DOCK7: variants seen among roughly 807,000 people sequenced by gnomAD.
The protein encoded by DOCK7 is dedicator of cytokinesis protein 7.
DOCK7 carries 138 observed loss-of-function variants against 271.0 expected under a neutral mutation model. The observed-to-expected ratio is 0.51, with a 90% CI of 0.44 to 0.59. DOCK7 has a LOEUF of 0.59. Ranked by LOEUF, DOCK7 falls within the 20% of genes least tolerant of loss-of-function variation. The probability of loss-of-function intolerance (pLI) is 0.00; values close to 1 mark genes in which losing one functional copy is unlikely to be tolerated. For missense variants in DOCK7, 2,066 were observed against 2,592.4 expected (o/e 0.80, Z 4.41); for synonymous variants, 823 against 876.1 (o/e 0.94, Z 1.07).
intron 14 of DOCK7, among the ~76,000 whole-genome samples, chr1:62,589,078 G>C (rs1436312294): frequency 1.3e-5 from 2 of 152,168 alleles, no homozygotes; most frequent in Non-Finnish European, 2.9e-5. Flanking sequence ...TTGCCAAACG[G>C]TAATATCCTG....
At chr1:62,633,770 A>G (rs903633059) in intron 9 of DOCK7, 192 bp from the exon 10 acceptor site, 6 of 518,712 alleles carry the variant, frequency 1.2e-5, no homozygotes, top group Non-Finnish European at 1.7e-5. Flanking sequence ...CAAAGTAGTA[A>G]TGCAAAGAAA....
At chr1:62,522,635 A>G (rs1251992997) in intron 31 of DOCK7, among the ~76,000 whole-genome samples, 1 of 152,116 alleles carries the variant, frequency 6.6e-6, no homozygotes, top group African/African-American at 2.4e-5. Flanking sequence ...AGATACAAAC[A>G]TCACCACTTC....
intron 7 of DOCK7, among the ~76,000 whole-genome samples, chr1:62,645,024 G>T (rs1165627635): frequency 6.6e-6 from 1 of 152,066 alleles, no homozygotes; most frequent in Non-Finnish European, 1.5e-5. Flanking sequence ...CACTAGAATG[G>T]TTATGATAAA....
At position 62,476,097 on chromosome 1, in the gene DOCK7, A is replaced by T; in HGVS notation, c.5694T>A (p.Pro1898=). 1 of 1,613,388 alleles carries T rather than the reference A, an allele frequency of 6.2e-7. No individual in the cohort carries two copies. The highest frequency in any genetic ancestry group is 8.5e-7 in the Non-Finnish European group (1 of 1,179,606). The part of the protein sequence containing the change: ...DVVEVIKDSN[P]VDKCKLDPNK... ...TAGGATCTAATTTACACTTGTCTAC[A>T]GGATTAGAGTCTTTGATTACTTCAA... The change falls in exon 45 of 50, where the codon CCT becomes CCA. Residue 1898 remains proline, a synonymous_variant. Coordinates refer to ENST00000635253, the MANE Select transcript of DOCK7 (RefSeq NM_001367561.1).
In DOCK7 at chr1:62,535,481, T is replaced by C. The variant is rs1212395647; in HGVS notation, c.3611+12A>G. On this transcript the variant is annotated intron_variant, in intron 29 of 49. Transcript: ENST00000635253. ...AACTCATATTCTACAAGGTAAAAAC[T>C]AGTGTACTCACCCTTCAGCATCAGG... 30 of 1,611,142 alleles carry C rather than the reference T, an allele frequency of 1.9e-5. No homozygotes were observed. Among genetic ancestry groups the C allele is most frequent in the Non-Finnish European group, 2.5e-5 (30 of 1,178,762 alleles).
intron 30 of DOCK7, among the ~76,000 whole-genome samples, chr1:62,528,824 C>A (rs1645089784): frequency 6.6e-6 from 1 of 152,144 alleles, no homozygotes; most frequent in Non-Finnish European, 1.5e-5. Flanking sequence ...CAATAAAACT[C>A]TGTAGGTTCT....
Position 62,455,124 on chromosome 1 carries a change from A to G in DOCK7, c.*290T>C. 1 of 533,200 alleles carries G rather than the reference A, an allele frequency of 1.9e-6. No individual in the cohort carries two copies. Among genetic ancestry groups the G allele is most frequent in the Non-Finnish European group, 3.3e-6 (1 of 304,368 alleles). 33.0% of individuals were successfully genotyped at this position (533,200 alleles called of 1,614,324 possible). On this transcript the variant is annotated 3_prime_UTR_variant, in exon 50 of 50. Transcript: ENST00000635253. ...ATATAAATTAAAAAATACGAACTTA[A>G]AGTGAATAAATTTTTAACCTTAGCT... is the stretch of plus-strand genomic sequence containing the variant.
Position 62,458,156 on chromosome 1 carries a change from GGTGTGTGT to G in DOCK7, c.6213-459_6213-452del, listed in dbSNP as rs10609544. The stretch of plus-strand genomic sequence containing the variant: ...ACAGAGTGGGACTGTCTCAAACGTG[GGTGTGTGT>G]GTGTGTGTGTGTGTGTGTGTACGCG... On this transcript the variant is annotated intron_variant, in intron 48 of 49. Transcript: ENST00000635253. The G allele has an allele frequency of 5.2e-4, 80 of 153,128 alleles. 1 individual carries two copies. The highest frequency in any genetic ancestry group is 1.5e-3 in the Admixed American group (24 of 15,524). 9.5% of individuals were successfully genotyped at this position (153,128 alleles called of 1,614,324 possible).
chr1:62,545,029 C>A lies in DOCK7; in HGVS notation c.2777G>T (p.Arg926Leu). 1 of 1,548,820 alleles carries A rather than the reference C, an allele frequency of 6.5e-7. No individual in the cohort carries two copies. Among genetic ancestry groups the A allele is most frequent in the Non-Finnish European group, 8.7e-7 (1 of 1,145,936 alleles). ...ACCAGTGTTAACCCAGGAATTGGAGCGATCTAAACCCTAAGCATATAATAG... is the reference window on the plus strand; with the variant it reads ...ACCAGTGTTAACCCAGGAATTGGAGAGATCTAAACCCTAAGCATATAATAG... ...RSIIGSKGLD[R>L]SNSWVNTGGP... The change falls in exon 23 of 50, where the codon CGC becomes CTC. Residue 926 changes from arginine (R) to leucine (L), a missense_variant. Arg to Leu is a moderately radical substitution (Grantham distance 102, BLOSUM62 -2). Coordinates refer to ENST00000635253, the MANE Select transcript of DOCK7 (RefSeq NM_001367561.1).
intron 12 of DOCK7, 89 bp downstream of exon 12, chr1:62,625,170 T>A: frequency 7.9e-7 from 1 of 1,272,982 alleles, no homozygotes; most frequent in African/African-American, 1.5e-5. Flanking sequence ...CACCCTCCCA[T>A]ACATGTATAG....
chr1:62,536,830 G>A (rs566228035), intron 28 of DOCK7, among the ~76,000 whole-genome samples: 2 of 152,254 alleles, frequency 1.3e-5, no homozygotes, highest in African/African-American at 4.8e-5. Context: ...ACAGTAGAAC[G>A]AGTATTTCAC....
chr1:62,555,840 T>C lies in DOCK7; in HGVS notation c.2581A>G (p.Asn861Asp). 1.2e-6 allele frequency: 2 copies of C among 1,610,528 alleles called. No individual in the cohort carries two copies. Among genetic ancestry groups the C allele is most frequent in the East Asian group, 2.2e-5 (1 of 44,796 alleles). ...YVFRLPNTYPNSSSPGPGGLG... is the reference protein window; with the variant it reads ...YVFRLPNTYPDSSSPGPGGLG... ...AATAAAATACCTGGTGATGATGAATTAGGGTAAGTATTTGGTAGGCGGAAA... is the reference window on the plus strand; with the variant it reads ...AATAAAATACCTGGTGATGATGAATCAGGGTAAGTATTTGGTAGGCGGAAA... Residue 861 changes from asparagine to aspartate, a missense_variant, in exon 21 of 50, where the codon AAT becomes GAT. Coordinates refer to ENST00000635253, the MANE Select transcript of DOCK7 (RefSeq NM_001367561.1).
rs35627175 is a variant in DOCK7 at position 62,625,295 on chromosome 1, T to G, written c.1389A>C (p.Arg463=). The G allele has an allele frequency of 3.4e-3, 5,451 of 1,614,002 alleles. 155 individuals carry two copies. The African/African-American group carries it at 0.063, about 19-fold the overall frequency. The part of the protein sequence containing the change: ...GDDACNLTSF[R]PATLTVTNFF... ...AATTTGTCACTGTGAGAGTAGCTGG[T>G]CGAAAGCTCGTCAAGTTACAAGCAT... is the stretch of plus-strand genomic sequence containing the variant. Residue 463 remains arginine, a synonymous_variant, in exon 12 of 50, where the codon CGA becomes CGC. Coordinates refer to ENST00000635253, the MANE Select transcript of DOCK7 (RefSeq NM_001367561.1).
At chr1:62,582,544 C>G (rs1213630321) in intron 16 of DOCK7, among the ~76,000 whole-genome samples, 1 of 80,850 alleles carries the variant, frequency 1.2e-5, no homozygotes, top group East Asian at 3.1e-4. Context: ...AGCGAGACTC[C>G]GTCTCAAAAA....
chr1:62,617,714 T>C (rs1652626595), intron 14 of DOCK7, among the ~76,000 whole-genome samples: 1 of 152,100 alleles, frequency 6.6e-6, no homozygotes, highest in Admixed American at 6.6e-5. Context: ...TGATTAAAAT[T>C]AACTTTACCT....
At chr1:62,504,990 C>A (rs111935466) in intron 36 of DOCK7, among the ~76,000 whole-genome samples, 1 of 152,092 alleles carries the variant, frequency 6.6e-6, no homozygotes, top group African/African-American at 2.4e-5. Context: ...AGTAGTGGGA[C>A]CTTGGACAAG....
chr1:62,524,302 T>C (rs1006572474), intron 31 of DOCK7, among the ~76,000 whole-genome samples: 1 of 152,142 alleles, frequency 6.6e-6, no homozygotes, highest in African/African-American at 2.4e-5. Context: ...CTCTGGAAAA[T>C]AGTTGGCCAT....
At chr1:62,592,480 A>G in intron 14 of DOCK7, among the ~76,000 whole-genome samples, 1 of 152,218 alleles carries the variant, frequency 6.6e-6, no homozygotes, top group East Asian at 1.9e-4. Context: ...ATCTATTAAT[A>G]CACAGCAAGT....
chr1:62,629,779 T>G (rs922053366), intron 11 of DOCK7: 3 of 152,158 alleles, frequency 2.0e-5, no homozygotes, highest in African/African-American at 7.2e-5. Flanking sequence ...ACAAATCAAT[T>G]TTACCACATG....
Sources: allele counts gnomAD v4.1 joint callset (sites outside exome capture counted in the v4.1 genomes callset), GRCh38; gene constraint gnomAD v4.1.1; transcripts MANE v1.5; gene names NCBI Gene and HGNC (gene_info 2026-07-23, HGNC 2026-07-21).